Variants in RNGTT observed in about 807,000 individuals in gnomAD.
The protein encoded by RNGTT is mRNA-capping enzyme.
Under a neutral mutation model 79.3 loss-of-function variants are expected in RNGTT, and 33 were observed. The ratio of observed to expected loss-of-function variants is 0.42; its 90% confidence interval spans 0.32 to 0.56. RNGTT has a LOEUF of 0.56. RNGTT is among the 20% of genes least tolerant of loss of function. RNGTT has a pLI of 0.17. For missense variants in RNGTT, 497 were observed against 739.1 expected, an observed-to-expected ratio of 0.67 and a Z score of 3.80; for synonymous variants, 222 against 235.9, an observed-to-expected ratio of 0.94 and a Z score of 0.54.
chr6:88,670,975 T>G (rs983158490), intron 14 of RNGTT, among the ~76,000 whole-genome samples: 1 of 152,142 alleles, frequency 6.6e-6, no homozygotes. Context: ...AAGCCATCAA[T>G]GACAAACCCA....
intron 14 of RNGTT, among the ~76,000 whole-genome samples, chr6:88,631,110 C>T (rs1562158802): frequency 6.6e-6 from 1 of 152,246 alleles, no homozygotes; most frequent in South Asian, 2.1e-4. Flanking sequence ...TAACAATGCC[C>T]CAAATGGAGT....
intron 8 of RNGTT, among the ~76,000 whole-genome samples, chr6:88,885,089 T>A (rs1252637179): frequency 6.6e-6 from 1 of 151,738 alleles, no homozygotes; most frequent in Non-Finnish European, 1.5e-5. Flanking sequence ...GATACTGAAA[T>A]AGATATAGGT....
chr6:88,653,112 ACTT>A (rs754618400), intron 14 of RNGTT, among the ~76,000 whole-genome samples: 11 of 152,198 alleles, frequency 7.2e-5, no homozygotes, highest in Non-Finnish European at 1.3e-4. Flanking sequence ...TAAGAGAACT[ACTT>A]CTTTTTAGAA....
intron 13 of RNGTT, among the ~76,000 whole-genome samples, chr6:88,762,387 T>A (rs1000247683): frequency 6.6e-6 from 1 of 152,216 alleles, no homozygotes; most frequent in Non-Finnish European, 1.5e-5. Context: ...CAAAAATTAG[T>A]ACCACCATCA....
At chr6:88,800,250 G>A (rs1190426072) in intron 12 of RNGTT, among the ~76,000 whole-genome samples, 6 of 152,146 alleles carry the variant, frequency 3.9e-5, no homozygotes, top group Admixed American at 2.0e-4. Context: ...TCAGATTGGG[G>A]AATATCTGCA....
chr6:88,643,110 G>A (rs776391779), intron 14 of RNGTT, among the ~76,000 whole-genome samples: 22 of 151,940 alleles, frequency 1.4e-4, no homozygotes, highest in Non-Finnish European at 2.4e-4. Context: ...GCTTAGCATA[G>A]CCTACCTTAA....
rs558318318 is a variant in RNGTT at position 88,910,653 on chromosome 6, G to A, written c.368-4213C>T. On this transcript the variant is annotated intron_variant, in intron 4 of 15. Transcript: ENST00000369485. ...TAAGAAACTCAGAAAACCCCTGTACGGTACTATACAAAACGACCATCATCA... is the reference window on the plus strand; with the variant it reads ...TAAGAAACTCAGAAAACCCCTGTACAGTACTATACAAAACGACCATCATCA... Among the ~76,000 whole-genome samples, 17 of 152,150 alleles carry A rather than the reference G, an allele frequency of 1.1e-4. No homozygotes were observed. In the South Asian group the frequency reaches 2.7e-3, roughly 24 times the overall value.
chr6:88,886,147 T>A (rs912801402), intron 8 of RNGTT, among the ~76,000 whole-genome samples: 2 of 151,884 alleles, frequency 1.3e-5, no homozygotes, highest in African/African-American at 4.8e-5. Flanking sequence ...CTACTAAAAA[T>A]ACAAAAAAAT....
At chr6:88,813,160 T>C (rs149125054) in intron 11 of RNGTT, among the ~76,000 whole-genome samples, 2 of 152,268 alleles carry the variant, frequency 1.3e-5, no homozygotes, top group African/African-American at 4.8e-5. Context: ...ACTTATGAGA[T>C]TTAAAACCTG....
At chr6:88,901,709 A>G (rs1783474461) in intron 6 of RNGTT, among the ~76,000 whole-genome samples, 1 of 151,838 alleles carries the variant, frequency 6.6e-6, no homozygotes, top group Non-Finnish European at 1.5e-5. Context: ...GGGTTTCACC[A>G]TGTTGTCCAG....
intron 11 of RNGTT, among the ~76,000 whole-genome samples, chr6:88,815,790 T>C (rs766504225): frequency 1.3e-5 from 2 of 152,208 alleles, no homozygotes; most frequent in Non-Finnish European, 2.9e-5. Context: ...AGCTTCACTT[T>C]AATAGACATT....
At chr6:88,637,174 T>C (rs1253851108) in intron 14 of RNGTT, among the ~76,000 whole-genome samples, 1 of 152,010 alleles carries the variant, frequency 6.6e-6, no homozygotes, top group Non-Finnish European at 1.5e-5. Context: ...GCACTCAATT[T>C]ATGTAGAAAA....
intron 11 of RNGTT, among the ~76,000 whole-genome samples, chr6:88,805,147 C>T (rs1042669442): frequency 4.6e-5 from 7 of 152,170 alleles, no homozygotes; most frequent in African/African-American, 1.7e-4. Flanking sequence ...CTGACATCTG[C>T]AGGCAACCAA....
In RNGTT at chr6:88,612,648, GC is replaced by G; in HGVS notation, c.*70del. The G allele has an allele frequency of 6.9e-7, 1 of 1,447,596 alleles. No individual in the cohort carries two copies. Among genetic ancestry groups the G allele is most frequent in the African/African-American group, 1.4e-5 (1 of 69,440 alleles). The allele number at this position is 1,447,596 out of a possible 1,614,324, so 89.7% of individuals were successfully genotyped here. The stretch of plus-strand genomic sequence containing the variant: ...CCACAGTCGTTTTTCAATTTCTCTG[GC>G]TACAAAAATGGGCAACAGCGTTTTT... On this transcript the variant is annotated 3_prime_UTR_variant, in exon 16 of 16. Coordinates refer to ENST00000369485, the MANE Select transcript of RNGTT (RefSeq NM_003800.5).
At chr6:88,862,536 G>A (rs1379554779) in intron 8 of RNGTT, among the ~76,000 whole-genome samples, 1 of 152,118 alleles carries the variant, frequency 6.6e-6, no homozygotes, top group East Asian at 1.9e-4. Flanking sequence ...ACCAGTAAAC[G>A]TAAGTTTCCC....
chr6:88,935,289 T>G (rs898889643), intron 2 of RNGTT, among the ~76,000 whole-genome samples: 1 of 152,240 alleles, frequency 6.6e-6, no homozygotes, highest in Non-Finnish European at 1.5e-5. Flanking sequence ...AGTCTGTTTT[T>G]ACACCAATGC....
chr6:88,810,753 T>C (rs1301652781), intron 11 of RNGTT, among the ~76,000 whole-genome samples: 1 of 152,214 alleles, frequency 6.6e-6, no homozygotes, highest in African/African-American at 2.4e-5. Context: ...TGAGTTGCAC[T>C]GGTATCCTAA....
intron 13 of RNGTT, among the ~76,000 whole-genome samples, chr6:88,692,145 C>T (rs957539289): frequency 2.0e-5 from 3 of 152,090 alleles, no homozygotes; most frequent in Non-Finnish European, 2.9e-5. Context: ...TAGAGCAAGC[C>T]AGTGATAACT....
At chr6:88,715,575 G>T (rs1776481290) in intron 13 of RNGTT, among the ~76,000 whole-genome samples, 2 of 152,128 alleles carry the variant, frequency 1.3e-5, no homozygotes, top group Non-Finnish European at 2.9e-5. Context: ...ATGTTACAAG[G>T]CTACAGTAAC....
Sources: gnomAD v4.1 joint callset for allele counts (sites outside exome capture counted in the v4.1 genomes callset) on GRCh38, gnomAD v4.1.1 for gene constraint, MANE v1.5 for transcripts, NCBI Gene and HGNC (gene_info 2026-07-23, HGNC 2026-07-21) for gene names.